Variants in AHI1 observed in about 807,000 individuals in gnomAD.
AHI1 encodes Abelson helper integration site 1.
AHI1 carries 123 observed loss-of-function variants against 149.3 expected under a neutral mutation model. That is an observed-to-expected ratio of 0.82 (90% CI 0.71 to 0.96). AHI1 has a LOEUF of 0.96. Ranked by LOEUF, AHI1 falls within the 40% of genes least tolerant of loss-of-function variation. The pLI is 0.00. For missense variants in AHI1, 1,439 were observed against 1,422.7 expected, an observed-to-expected ratio of 1.01 and a Z score of -0.18; for synonymous variants, 475 against 459.8, an observed-to-expected ratio of 1.03 and a Z score of -0.42.
At chr6:135,412,297 T>C (rs1233098077) in intron 20 of AHI1, among the ~76,000 whole-genome samples, 2 of 152,218 alleles carry the variant, frequency 1.3e-5, no homozygotes, top group Non-Finnish European at 2.9e-5. Context: ...CCACAGATTA[T>C]ATGCAAAAAC....
chr6:135,312,261 C>T (rs1055383968), intron 26 of AHI1, among the ~76,000 whole-genome samples: 3 of 151,936 alleles, frequency 2.0e-5, no homozygotes, highest in Non-Finnish European at 2.9e-5. Context: ...GCCTATAATC[C>T]CAGCAGTTTG....
intron 22 of AHI1, among the ~76,000 whole-genome samples, chr6:135,400,031 T>C (rs1779799340): frequency 6.6e-6 from 1 of 152,186 alleles, no homozygotes. Context: ...TTATCTTTTC[T>C]GCTCCTCTCT....
At chr6:135,432,641 C>T (rs565910064) in intron 16 of AHI1, among the ~76,000 whole-genome samples, 14 of 152,100 alleles carry the variant, frequency 9.2e-5, no homozygotes, top group South Asian at 8.3e-4. Flanking sequence ...CACGAACCAC[C>T]GCGCCCGGCC....
intron 5 of AHI1, among the ~76,000 whole-genome samples, chr6:135,476,604 T>A (rs979381997): frequency 2.0e-5 from 3 of 152,174 alleles, no homozygotes; most frequent in Non-Finnish European, 2.9e-5. Flanking sequence ...TGCTGATTTA[T>A]CTATTTCTCA....
chr6:135,490,656 CT>C lies in AHI1; in HGVS notation c.101del (p.Lys34ArgfsTer23), dbSNP rs777527386. The stretch of plus-strand genomic sequence containing the variant: ...TTTCTTCAGACCTGACAAGTTTTTT[CT>C]TCAGTTTTTTCTTTTCACGCATTAG... ...SDLMREKKKL[K>X]KKLVRSEENI... On this transcript the variant is annotated frameshift_variant, in exon 5 of 29. Transcript: ENST00000265602. LOFTEE classifies it high-confidence loss of function. The C allele has an allele frequency of 4.0e-5, 64 of 1,613,408 alleles. No individual in the cohort carries two copies. The highest frequency in any genetic ancestry group is 5.2e-5 in the Non-Finnish European group (61 of 1,179,654).
intron 28 of AHI1, among the ~76,000 whole-genome samples, chr6:135,289,366 G>A (rs1298020650): frequency 3.3e-5 from 5 of 151,932 alleles, no homozygotes; most frequent in South Asian, 2.1e-4. Flanking sequence ...GTGGTGACAC[G>A]TGCCTGTAGT....
chr6:135,318,776 C>A (rs1345342636), intron 25 of AHI1, among the ~76,000 whole-genome samples, 160 bp from the exon 26 acceptor site: 11 of 152,224 alleles, frequency 7.2e-5, no homozygotes, highest in Admixed American at 4.6e-4. Context: ...CGGCAATTTG[C>A]AATTTTACTC....
At chr6:135,332,053 T>G (rs1258626773) in intron 24 of AHI1, among the ~76,000 whole-genome samples, 2 of 151,794 alleles carry the variant, frequency 1.3e-5, no homozygotes, top group African/African-American at 4.8e-5. Flanking sequence ...TTACTTGATA[T>G]CCGTTTTCAG....
rs139948451 is a variant in AHI1, at chr6:135,319,431, C to T, written c.3329-815G>A. Among the ~76,000 whole-genome samples the T allele has an allele frequency of 6.6e-3, 1,004 of 152,104 alleles. 14 individuals carry two copies. The highest frequency in any genetic ancestry group is 0.023 in the African/African-American group (942 of 41,478). Reference sequence around the variant, plus strand: ...TGGAGGTTGCAGTGAGCCAAGACAGCGCCACTGCACTCCAGCCTGGGAGAC... The same window carrying T: ...TGGAGGTTGCAGTGAGCCAAGACAGTGCCACTGCACTCCAGCCTGGGAGAC... On this transcript the variant is annotated intron_variant, in intron 25 of 28. Coordinates refer to ENST00000265602, the MANE Select transcript of AHI1 (RefSeq NM_001134831.2).
At chr6:135,333,791 A>T (rs1788954756) in intron 24 of AHI1, among the ~76,000 whole-genome samples, 1 of 152,224 alleles carries the variant, frequency 6.6e-6, no homozygotes, top group Admixed American at 6.5e-5. Flanking sequence ...CAGATTATAT[A>T]TCTGTAAAAT....
At chr6:135,363,018 CT>C (rs910206494) in intron 23 of AHI1, among the ~76,000 whole-genome samples, 20 of 149,986 alleles carry the variant, frequency 1.3e-4, no homozygotes, top group Admixed American at 1.1e-3. Context: ...TTTCATCCAT[CT>C]TTTTTTTAAA....
In AHI1 at chr6:135,474,045, G is replaced by C. The variant is rs558193362; in HGVS notation, c.136-6411C>G. Among the ~76,000 whole-genome samples, 5 of 152,230 alleles carry C rather than the reference G, an allele frequency of 3.3e-5. No homozygotes were observed. In the South Asian group the frequency reaches 6.2e-4, roughly 19 times the overall value. ...TATTCAACACTTTATTACAAAATGG[G>C]CTTGGTATTAATTTTGCACAACTGT... On this transcript the variant is annotated intron_variant, in intron 5 of 28. Transcript: ENST00000265602.
chr6:135,295,672 G>C (rs1481776104), intron 27 of AHI1, among the ~76,000 whole-genome samples: 1 of 152,180 alleles, frequency 6.6e-6, no homozygotes, highest in Non-Finnish European at 1.5e-5. Flanking sequence ...TAGACAGTGA[G>C]AGAAAGTAGA....
At chr6:135,375,531 C>T (rs942686180) in intron 23 of AHI1, among the ~76,000 whole-genome samples, 2 of 152,082 alleles carry the variant, frequency 1.3e-5, no homozygotes, top group Admixed American at 1.3e-4. Flanking sequence ...AGTGGATGGA[C>T]ATTTTGAAAA....
intron 5 of AHI1, among the ~76,000 whole-genome samples, chr6:135,489,379 G>T (rs552141234): frequency 1.3e-5 from 2 of 152,176 alleles, no homozygotes; most frequent in South Asian, 4.2e-4. Flanking sequence ...GGTCTAAATT[G>T]CATTTTGTTC....
chr6:135,351,280 A>G (rs1419520243), intron 24 of AHI1, among the ~76,000 whole-genome samples: 1 of 152,072 alleles, frequency 6.6e-6, no homozygotes, highest in African/African-American at 2.4e-5. Context: ...TTCTTGAACT[A>G]GTTTTACTTC....
intron 24 of AHI1, among the ~76,000 whole-genome samples, chr6:135,337,334 C>T (rs1363820226): frequency 2.0e-5 from 3 of 152,096 alleles, no homozygotes; most frequent in Non-Finnish European, 2.9e-5. Context: ...ATACATGTAC[C>T]ACATACACAT....
chr6:135,363,720 C>G (rs1794327218), intron 23 of AHI1, among the ~76,000 whole-genome samples: 1 of 144,288 alleles, frequency 6.9e-6, no homozygotes, highest in Non-Finnish European at 1.5e-5. Flanking sequence ...GCTGGCCGGG[C>G]AGAGGCGCCC....
At chr6:135,385,044 G>A (rs558437731) in intron 23 of AHI1, among the ~76,000 whole-genome samples, 48 of 152,176 alleles carry the variant, frequency 3.2e-4, no homozygotes, top group Admixed American at 2.3e-3. Context: ...ATCCGAGATC[G>A]CGCCACTGCA....
Sources: gnomAD v4.1 joint callset for allele counts (sites outside exome capture counted in the v4.1 genomes callset) on GRCh38, gnomAD v4.1.1 for gene constraint, MANE v1.5 for transcripts, NCBI Gene and HGNC (gene_info 2026-07-23, HGNC 2026-07-21) for gene names.